Variants in GNG12 observed in about 807,000 individuals in gnomAD.
GNG12 encodes G protein subunit gamma 12, also known as guanine nucleotide-binding protein G(I)/G(S)/G(O) subunit gamma-12.
For synonymous variants in GNG12, 28 were observed against 29.7 expected (o/e 0.94, Z 0.19); for missense variants, 69 against 83.8 (o/e 0.82, Z 0.69).
intron 1 of GNG12, among the ~76,000 whole-genome samples, chr1:67,784,012 T>C (rs79115311): frequency 0.92 from 139,526 of 150,974 alleles, 64,497 homozygotes; most frequent in Non-Finnish European, 0.93. Context: ...AAGACACATG[T>C]GCATGTATGT....
At chr1:67,794,338 A>C (rs1440195348) in intron 1 of GNG12, among the ~76,000 whole-genome samples, 1 of 152,136 alleles carries the variant, frequency 6.6e-6, no homozygotes, top group Non-Finnish European at 1.5e-5. Flanking sequence ...ATGAGGCCTG[A>C]GGGGAGATGA....
chr1:67,744,772 C>A (rs1646499578), intron 2 of GNG12, among the ~76,000 whole-genome samples: 1 of 152,166 alleles, frequency 6.6e-6, no homozygotes, highest in South Asian at 2.1e-4. Flanking sequence ...TGGTCATCTG[C>A]ACCAAATTAT....
At chr1:67,816,100 C>T (rs754169409) in intron 1 of GNG12, among the ~76,000 whole-genome samples, 29 of 152,298 alleles carry the variant, frequency 1.9e-4, no homozygotes, top group African/African-American at 2.9e-4. Flanking sequence ...AGTGAGGCTG[C>T]GGAAGCTGCT....
chr1:67,745,622 G>C (rs1039671173), intron 2 of GNG12, among the ~76,000 whole-genome samples: 5 of 152,174 alleles, frequency 3.3e-5, no homozygotes, highest in Admixed American at 1.3e-4. Flanking sequence ...CACAGGGTTG[G>C]GGGCAAGTAA....
chr1:67,756,885 G>A (rs575397199), intron 2 of GNG12, among the ~76,000 whole-genome samples: 11 of 152,308 alleles, frequency 7.2e-5, no homozygotes, highest in African/African-American at 1.7e-4. Context: ...CTTCTCAGCC[G>A]GTGTACCCTG....
intron 2 of GNG12, among the ~76,000 whole-genome samples, chr1:67,776,903 T>C (rs1646708449): frequency 6.6e-6 from 1 of 152,224 alleles, no homozygotes. Context: ...AGTGATGCTA[T>C]ATGAAGCCCC....
At chr1:67,831,571 TA>T (rs1647045117) in intron 1 of GNG12, among the ~76,000 whole-genome samples, 1 of 152,222 alleles carries the variant, frequency 6.6e-6, no homozygotes, top group African/African-American at 2.4e-5. Context: ...TTATAAGGTC[TA>T]ACGACGCAGT....
intron 1 of GNG12, among the ~76,000 whole-genome samples, chr1:67,787,036 A>AGTGTGTGTGTGTGTGTGT (rs56084524): frequency 2.3e-5 from 3 of 131,366 alleles, no homozygotes; most frequent in Non-Finnish European, 4.7e-5. Flanking sequence ...TATGTGTATA[A>AGTGTGTGTGTGTGTGTGT]GTGTGTGTGT....
At chr1:67,807,489 A>C (rs1337047017) in intron 1 of GNG12, among the ~76,000 whole-genome samples, 2 of 151,962 alleles carry the variant, frequency 1.3e-5, no homozygotes, top group Non-Finnish European at 2.9e-5. Context: ...AAATCAATGA[A>C]ATTAAACAGA....
chr1:67,774,773 A>G (rs1387752613), intron 2 of GNG12, among the ~76,000 whole-genome samples: 1 of 152,214 alleles, frequency 6.6e-6, no homozygotes, highest in Non-Finnish European at 1.5e-5. Flanking sequence ...GTATGTTGTC[A>G]ACAGTTGATA....
At chr1:67,803,226 T>C (rs1646876561) in intron 1 of GNG12, among the ~76,000 whole-genome samples, 1 of 69,680 alleles carries the variant, frequency 1.4e-5, no homozygotes, top group Non-Finnish European at 2.9e-5. Context: ...TAATTTAAAG[T>C]TAGTTGGTTG....
chr1:67,801,552 G>A (rs1002309439), intron 1 of GNG12, among the ~76,000 whole-genome samples: 3 of 152,112 alleles, frequency 2.0e-5, no homozygotes, highest in African/African-American at 7.2e-5. Flanking sequence ...TTATAAAGAC[G>A]GTAACATGAG....
chr1:67,734,635 A>G (rs1646441636), intron 2 of GNG12, among the ~76,000 whole-genome samples: 1 of 151,974 alleles, frequency 6.6e-6, no homozygotes, highest in African/African-American at 2.4e-5. Context: ...TGCCTTCTTT[A>G]TGATTTGTAG....
chr1:67,830,400 A>C (rs1647036586), intron 1 of GNG12, among the ~76,000 whole-genome samples: 1 of 152,244 alleles, frequency 6.6e-6, no homozygotes, highest in South Asian at 2.1e-4. Flanking sequence ...CAATCTCATG[A>C]AAGTTTACAA....
In GNG12 at chr1:67,765,592, G is replaced by T. The variant is rs79799966; in HGVS notation, c.-27+11866C>A. Among the ~76,000 whole-genome samples, 1,239 of 152,090 alleles carry T rather than the reference G, an allele frequency of 8.1e-3. 12 individuals carry two copies. Among genetic ancestry groups the T allele is most frequent in the African/African-American group, 0.029 (1,183 of 41,440 alleles). Reference sequence around the variant, plus strand: ...TAACAGAAGATGAAATACATAGAAAGGTTTGTATATTTCAACCCTTATTCT... The same window carrying T: ...TAACAGAAGATGAAATACATAGAAATGTTTGTATATTTCAACCCTTATTCT... On this transcript the variant is annotated intron_variant, in intron 2 of 3. Transcript: ENST00000370982.
intron 2 of GNG12, among the ~76,000 whole-genome samples, chr1:67,740,711 G>A (rs2100712102): frequency 6.6e-6 from 1 of 152,316 alleles, no homozygotes; most frequent in South Asian, 2.1e-4. Flanking sequence ...TGAGGGTGGA[G>A]CCTCCATGAG....
At chr1:67,717,810 T>C (rs536356269) in intron 2 of GNG12, among the ~76,000 whole-genome samples, 1 of 152,336 alleles carries the variant, frequency 6.6e-6, no homozygotes, top group Non-Finnish European at 1.5e-5. Context: ...TGAGTAGGTA[T>C]TCTCAGGGGC....
chr1:67,827,167 T>G (rs1647015720), intron 1 of GNG12, among the ~76,000 whole-genome samples: 3 of 152,166 alleles, frequency 2.0e-5, no homozygotes. Context: ...AGCTTATACT[T>G]CTCTCTTCGG....
chr1:67,803,251 TG>T (rs1557622850), intron 1 of GNG12, among the ~76,000 whole-genome samples: 3 of 152,226 alleles, frequency 2.0e-5, no homozygotes, highest in Admixed American at 6.5e-5. Flanking sequence ...CAGTGGCTCA[TG>T]CCTATAATCC....
Sources: allele counts gnomAD v4.1 joint callset (sites outside exome capture counted in the v4.1 genomes callset), GRCh38; gene constraint gnomAD v4.1.1; transcripts MANE v1.5; gene names NCBI Gene and HGNC (gene_info 2026-07-23, HGNC 2026-07-21).